Variants in RTN4 observed in about 807,000 individuals in gnomAD.
RTN4 encodes reticulon-4.
In RTN4, 32 loss-of-function variants were observed where a neutral mutation model predicts 90.4. That is an observed-to-expected ratio of 0.35 (90% CI 0.27 to 0.48). RTN4 has a LOEUF of 0.48. Ranked by LOEUF, RTN4 falls within the 20% of genes least tolerant of loss-of-function variation. RTN4 has a pLI of 0.99. For missense variants in RTN4, 1,706 were observed against 1,430.2 expected (o/e 1.19, Z -3.11); for synonymous variants, 629 against 552.5 (o/e 1.14, Z -1.94).
At chr2:55,010,522 T>C (rs1314858100) in intron 3 of RTN4, 1 of 218,378 alleles carries the variant, frequency 4.6e-6, no homozygotes, top group African/African-American at 2.3e-5. Flanking sequence ...TATGCAGTTT[T>C]TTTTTCTTTC....
At position 55,072,161 on chromosome 2, in the gene RTN4, A is replaced by C. The variant is rs7422971; in HGVS notation, c.-63+8328T>G. Among the ~76,000 whole-genome samples the C allele has an allele frequency of 8.0e-3, 1,166 of 146,406 alleles. 7 individuals are homozygous for C. Among genetic ancestry groups the C allele is most frequent in the Non-Finnish European group, 0.011 (696 of 66,192 alleles). On this transcript the variant is annotated intron_variant, in intron 2 of 3. Transcript: ENST00000427710. ...ATTGTTTTTAGTTATTTTTTTTTTC[A>C]AAAAAAAATATGTAAAACTGGAGTA...
intron 1 of RTN4, among the ~76,000 whole-genome samples, chr2:55,095,082 G>C (rs959180528): frequency 6.6e-6 from 1 of 152,122 alleles, no homozygotes; most frequent in Non-Finnish European, 1.5e-5. Context: ...GCAGCACTTG[G>C]AAGGCCGAGG....
At chr2:55,033,050 T>TAAAA (rs141554598) in intron 1 of RTN4, among the ~76,000 whole-genome samples, 4 of 125,772 alleles carry the variant, frequency 3.2e-5, no homozygotes, top group Non-Finnish European at 6.8e-5. Context: ...CTGAAGAAGT[T>TAAAA]AAAAAAAAAA....
chr2:55,067,126 T>C (rs898799443), intron 2 of RTN4, among the ~76,000 whole-genome samples: 1 of 152,148 alleles, frequency 6.6e-6, no homozygotes, highest in African/African-American at 2.4e-5. Flanking sequence ...TATAATGAAA[T>C]TGGAAATTGG....
chr2:55,134,517 G>C, the RTN4 span, among the ~76,000 whole-genome samples: 67 of 152,316 alleles, frequency 4.4e-4, 1 homozygote, highest in African/African-American at 1.5e-3. Context: ...ATTCACCTTA[G>C]CTCAGAGCAG....
chr2:55,024,914 G>T (rs1445698832), intron 3 of RTN4, among the ~76,000 whole-genome samples, 172 bp downstream of exon 3: 1 of 152,164 alleles, frequency 6.6e-6, no homozygotes. Flanking sequence ...AATGCTGAGT[G>T]CAAGAGAGTT....
chr2:55,069,604 G>A (rs1209954885), intron 2 of RTN4, among the ~76,000 whole-genome samples: 1 of 152,214 alleles, frequency 6.6e-6, no homozygotes, highest in Non-Finnish European at 1.5e-5. Context: ...TCACCTGTGA[G>A]TTTCCTCTAA....
At chr2:54,975,471 A>C (rs1044048525) in intron 5 of RTN4, among the ~76,000 whole-genome samples, 1 of 152,218 alleles carries the variant, frequency 6.6e-6, no homozygotes, top group African/African-American at 2.4e-5. Context: ...GAGCACCCCC[A>C]TTATCTAAAG....
At chr2:55,114,654 G>A (rs1668093131), upstream of RTN4, among the ~76,000 whole-genome samples, 1 of 152,144 alleles carries the variant, frequency 6.6e-6, no homozygotes, top group South Asian at 2.1e-4. Context: ...AGCCAAGATT[G>A]CGGCACTGCA....
At position 54,972,342 on chromosome 2, in the gene RTN4, C is replaced by CAACA. The variant is rs1007529281; in HGVS notation, c.*810_*813dup. ...ACAATGTTTGATATTTGCAAACAAA[C>CAACA]AACATTTTTGGAAGCATTAGATTCA... On this transcript the variant is annotated 3_prime_UTR_variant, in exon 9 of 9. Transcript: ENST00000337526. 12 of 152,462 alleles carry CAACA rather than the reference C, an allele frequency of 7.9e-5. No individual in the cohort carries two copies. The highest frequency in any genetic ancestry group is 2.7e-4 in the African/African-American group (11 of 41,422). The allele number at this position is 152,462 out of a possible 1,614,324, so 9.4% of individuals were successfully genotyped here. A position where few individuals can be genotyped will look rare whatever the true frequency, so the allele number is the denominator to read the frequency against.
intron 5 of RTN4, among the ~76,000 whole-genome samples, chr2:54,980,847 A>G (rs1303970027): frequency 1.3e-5 from 2 of 152,154 alleles, no homozygotes; most frequent in African/African-American, 4.8e-5. Context: ...CTTTTCACAC[A>G]TGTTCTACCC....
At chr2:55,076,681 A>T (rs1472565876) in intron 2 of RTN4, among the ~76,000 whole-genome samples, 1 of 151,984 alleles carries the variant, frequency 6.6e-6, no homozygotes, top group Non-Finnish European at 1.5e-5. Context: ...GGCGAGAGCC[A>T]CTGTGCCTGG....
chr2:54,998,919 C>A (rs1441393010), intron 3 of RTN4, among the ~76,000 whole-genome samples: 1 of 152,116 alleles, frequency 6.6e-6, no homozygotes, highest in African/African-American at 2.4e-5. Context: ...TTCTATACTG[C>A]AGAATAAAGG....
At chr2:55,123,796 C>A in the RTN4 span, among the ~76,000 whole-genome samples, 11 of 151,826 alleles carry the variant, frequency 7.2e-5, 1 homozygote, top group African/African-American at 2.4e-4. Flanking sequence ...TGTAAAGTAC[C>A]TTTAATAGCA....
chr2:54,975,503 T>C lies in RTN4; in HGVS notation c.3361-739A>G, dbSNP rs138533224. Reference sequence around the variant, plus strand: ...AAAGCGGGGATCAGCAAACTTTCTCTGTGAAGAGCCAGACAGTAGAATTTT... The same window carrying C: ...AAAGCGGGGATCAGCAAACTTTCTCCGTGAAGAGCCAGACAGTAGAATTTT... On this transcript the variant is annotated intron_variant, in intron 5 of 8. Transcript: ENST00000337526. Among the ~76,000 whole-genome samples the C allele has an allele frequency of 4.3e-3, 661 of 152,330 alleles. 2 individuals are homozygous for C. Among genetic ancestry groups the C allele is most frequent in the African/African-American group, 0.015 (625 of 41,564 alleles).
chr2:54,973,451 C>G, intron 8 of RTN4, 112 bp downstream of exon 8: 1 of 893,840 alleles, frequency 1.1e-6, no homozygotes, highest in Non-Finnish European at 1.8e-6. Flanking sequence ...TGAAGTCACA[C>G]TTAAGGTCTG....
intron 1 of RTN4, among the ~76,000 whole-genome samples, chr2:55,088,985 T>A (rs1268159828): frequency 6.6e-6 from 1 of 152,142 alleles, no homozygotes; most frequent in Admixed American, 6.5e-5. Context: ...CAGGCTGGAG[T>A]GCAGTGGCGC....
intron 4 of RTN4, among the ~76,000 whole-genome samples, chr2:54,984,847 T>G (rs1678420520): frequency 6.6e-6 from 1 of 152,198 alleles, no homozygotes; most frequent in Non-Finnish European, 1.5e-5. Context: ...GGTGCATGCC[T>G]GTAGTCCCAG....
chr2:55,130,227 T>C, the RTN4 span, among the ~76,000 whole-genome samples: 1 of 152,224 alleles, frequency 6.6e-6, no homozygotes, highest in Non-Finnish European at 1.5e-5. Flanking sequence ...CCAAGATGTA[T>C]TAAGTGAAAA....
Sources: gnomAD v4.1 joint callset for allele counts (sites outside exome capture counted in the v4.1 genomes callset) on GRCh38, gnomAD v4.1.1 for gene constraint, MANE v1.5 for transcripts, NCBI Gene and HGNC (gene_info 2026-07-23, HGNC 2026-07-21) for gene names.